CHRDL2: variants seen among roughly 807,000 people sequenced by gnomAD.
The protein encoded by CHRDL2 is chordin-like protein 2.
CHRDL2 carries 41 observed loss-of-function variants against 54.3 expected under a neutral mutation model. The observed-to-expected ratio is 0.76, with a 90% CI of 0.59 to 0.98. The LOEUF is 0.98. Ranked by LOEUF, CHRDL2 falls within the 50% of genes least tolerant of loss-of-function variation. The pLI is 0.00. For missense variants in CHRDL2, 518 were observed against 562.4 expected (o/e 0.92, Z 0.80); for synonymous variants, 220 against 224.3 (o/e 0.98, Z 0.17).
At chr11:74,719,387 C>CACAA (rs1460952106) in intron 1 of CHRDL2, 1 of 119,440 alleles carries the variant, frequency 8.4e-6, no homozygotes, top group Non-Finnish European at 1.9e-5. Flanking sequence ...CCTGTACACA[C>CACAA]ACACACACAC....
At chr11:74,703,609 C>T (rs1486976348) in intron 7 of CHRDL2, 110 bp from the exon 8 acceptor site, 3 of 911,670 alleles carry the variant, frequency 3.3e-6, no homozygotes, top group Non-Finnish European at 1.6e-6. Context: ...CTTTACCAGT[C>T]CTGCCTAGCC....
chr11:74,720,729 G>C (rs534987853), intron 1 of CHRDL2, among the ~76,000 whole-genome samples: 1 of 152,196 alleles, frequency 6.6e-6, no homozygotes, highest in African/African-American at 2.4e-5. Flanking sequence ...TGGGGTGAGC[G>C]GGGAGCTCAC....
At chr11:74,725,976 G>A (rs1459447207) in intron 1 of CHRDL2, among the ~76,000 whole-genome samples, 1 of 152,198 alleles carries the variant, frequency 6.6e-6, no homozygotes, top group Non-Finnish European at 1.5e-5. Flanking sequence ...GCACCCGGTG[G>A]GAGAGGCCTC....
intron 9 of CHRDL2, among the ~76,000 whole-genome samples, chr11:74,700,114 C>T (rs190833619): frequency 6.6e-6 from 1 of 152,368 alleles, no homozygotes; most frequent in Non-Finnish European, 1.5e-5. Flanking sequence ...CTTTGCTTTA[C>T]TGCTTAAACT....
At chr11:74,696,935 C>T (rs977277507) in intron 10 of CHRDL2, among the ~76,000 whole-genome samples, 15 of 152,198 alleles carry the variant, frequency 9.9e-5, no homozygotes, top group African/African-American at 3.6e-4. Context: ...GTGGGCAGTA[C>T]CCAGGTTTGG....
chr11:74,730,773 CTCCTCT>C (rs2034640132), intron 1 of CHRDL2, 28 bp downstream of exon 1: 12 of 1,571,902 alleles, frequency 7.6e-6, no homozygotes, highest in Non-Finnish European at 9.5e-6. Flanking sequence ...GGCCGCATCC[CTCCTCT>C]GCCCACCCAG....
intron 3 of CHRDL2, among the ~76,000 whole-genome samples, chr11:74,712,209 G>T (rs777878345): frequency 3.9e-5 from 6 of 152,100 alleles, no homozygotes; most frequent in Non-Finnish European, 8.8e-5. Context: ...GGCTAGGGTG[G>T]ATGGAAGCAC....
rs748926477 is a variant in CHRDL2, at chr11:74,704,343, C to T, written c.751+143G>A. The T allele has an allele frequency of 2.8e-4, 190 of 689,282 alleles. 1 individual carries two copies. Among genetic ancestry groups the T allele is most frequent in the Non-Finnish European group, 3.9e-4 (168 of 429,770 alleles). 42.7% of individuals were successfully genotyped at this position (689,282 alleles called of 1,614,324 possible). On this transcript the variant is annotated intron_variant, in intron 7 of 10. Transcript: ENST00000376332. The stretch of plus-strand genomic sequence containing the variant: ...TAAGAGCACCCTCATTCAGTTTTGG[C>T]GTTCTCCGAGTCTACAAGCTCATGG...
At position 74,702,827 on chromosome 11, in the gene CHRDL2, A is replaced by C; in HGVS notation, c.1087T>G (p.Leu363Val). 6.2e-7 allele frequency: 1 copy of C among 1,613,910 alleles called. No individual in the cohort carries two copies. Among genetic ancestry groups the C allele is most frequent in the Non-Finnish European group, 8.5e-7 (1 of 1,179,978 alleles). Residue 363 changes from leucine (L) to valine (V), a missense_variant, in exon 9 of 11, where the codon TTG becomes GTG. Physicochemically the swap from Leu to Val is conservative, Grantham distance 32 (BLOSUM62 1). Transcript: ENST00000376332. ...RFALEHEASD[L>V]VEIYLWKLVK... is the part of the protein sequence containing the mutation. The stretch of plus-strand genomic sequence containing the variant: ...AGCTTCCAGAGGTAGATCTCCACCA[A>C]GTCCGAGGCCTCGTGTTCCAGGGCA...
intron 9 of CHRDL2, among the ~76,000 whole-genome samples, chr11:74,702,017 G>GTT (rs2033830493): frequency 1.8e-4 from 27 of 152,158 alleles, no homozygotes; most frequent in Non-Finnish European, 7.3e-5. Context: ...ACTTTGGGAG[G>GTT]CTGATGCCGG....
chr11:74,711,109 C>A, intron 3 of CHRDL2, 118 bp from the exon 4 acceptor site: 2 of 1,187,594 alleles, frequency 1.7e-6, no homozygotes, highest in Non-Finnish European at 1.2e-6. Flanking sequence ...GATATTTAAA[C>A]CAAGCTCTGG....
At chr11:74,717,517 CATG>C (rs2034393237) in intron 2 of CHRDL2, among the ~76,000 whole-genome samples, 1 of 152,128 alleles carries the variant, frequency 6.6e-6, no homozygotes, top group Non-Finnish European at 1.5e-5. Context: ...GGGAGGCAGT[CATG>C]GTGGGGGTTG....
intron 1 of CHRDL2, among the ~76,000 whole-genome samples, chr11:74,725,238 G>T (rs1003430012): frequency 6.6e-6 from 1 of 151,990 alleles, no homozygotes; most frequent in South Asian, 2.1e-4. Flanking sequence ...TGATCCACCC[G>T]CCAGGGCCTC....
chr11:74,726,151 G>A (rs1440760952), intron 1 of CHRDL2, among the ~76,000 whole-genome samples: 1 of 152,216 alleles, frequency 6.6e-6, no homozygotes, highest in Non-Finnish European at 1.5e-5. Context: ...AGGAAAGGCA[G>A]CTCTGTTACC....
At chr11:74,711,353 G>A (rs2034187544) in intron 3 of CHRDL2, among the ~76,000 whole-genome samples, 1 of 152,226 alleles carries the variant, frequency 6.6e-6, no homozygotes, top group Admixed American at 6.5e-5. Flanking sequence ...ACTTCTCAGT[G>A]CCAGGCACTG....
rs371916509 is a variant in CHRDL2, at chr11:74,706,500, G to A, written c.569C>T (p.Ser190Leu). ...CCGTGCACTCACCACCCCATGGAGC[G>A]ACTGCACACTGTCCTCTTCATCCGA... ...EQSDEEDSVQ[S>L]LHGVRHPQDP... is the part of the protein sequence containing the mutation. Residue 190 changes from serine (S) to leucine (L), a missense_variant, in exon 6 of 11, where the codon TCG (serine) becomes TTG (leucine). By Grantham distance (145) the Ser-to-Leu change is moderately radical. Coordinates refer to ENST00000376332, the MANE Select transcript of CHRDL2 (RefSeq NM_001278473.3). 62 of 1,613,912 alleles carry A rather than the reference G, an allele frequency of 3.8e-5. No homozygotes were observed. Among genetic ancestry groups the A allele is most frequent in the Admixed American group, 1.0e-4 (6 of 60,000 alleles).
intron 1 of CHRDL2, among the ~76,000 whole-genome samples, chr11:74,726,413 G>A (rs1354449680): frequency 6.6e-6 from 1 of 152,150 alleles, no homozygotes; most frequent in East Asian, 1.9e-4. Context: ...TACTAGGCAG[G>A]ACTAGAAGAA....
chr11:74,724,036 C>T (rs148902450), intron 1 of CHRDL2, among the ~76,000 whole-genome samples: 2 of 152,240 alleles, frequency 1.3e-5, no homozygotes, highest in African/African-American at 4.8e-5. Context: ...ACAAAGTCAC[C>T]TCCTGAAGGA....
intron 2 of CHRDL2, among the ~76,000 whole-genome samples, chr11:74,717,756 G>T (rs2034400704): frequency 6.6e-6 from 1 of 152,210 alleles, no homozygotes; most frequent in South Asian, 2.1e-4. Context: ...TTGGCTCTGT[G>T]CAGGGAAAGA....
Sources: allele counts gnomAD v4.1 joint callset (sites outside exome capture counted in the v4.1 genomes callset), GRCh38; gene constraint gnomAD v4.1.1; transcripts MANE v1.5; gene names NCBI Gene and HGNC (gene_info 2026-07-23, HGNC 2026-07-21).